Variants in ASB14 observed in about 807,000 individuals in gnomAD.
ASB14 encodes the protein ankyrin repeat and SOCS box containing 14, also known as ankyrin repeat and SOCS box protein 14.
ASB14 carries 63 observed loss-of-function variants against 55.6 expected under a neutral mutation model. The ratio of observed to expected loss-of-function variants is 1.13; its 90% CI spans 0.92 to 1.40. ASB14 has a LOEUF of 1.40. Ranked by LOEUF, ASB14 falls within the 40% of genes most tolerant of loss-of-function variation. The probability of loss-of-function intolerance (pLI) is 0.00; values close to 1 mark genes in which losing one functional copy is unlikely to be tolerated. For missense variants in ASB14, 724 were observed against 710.4 expected (o/e 1.02, Z -0.22); for synonymous variants, 256 against 259.9 (o/e 0.98, Z 0.15).
chr3:57,269,309 AAG>A lies in ASB14; in HGVS notation c.*330_*331del. On this transcript the variant is annotated 3_prime_UTR_variant, in exon 11 of 11. Transcript: ENST00000487349. ...TTTATTTGGTTGTTGGTCATAAAAA[AAG>A]AAAGATAAAATATTAGATTTTAGTT... 1 of 432,214 alleles carries A rather than the reference AAG, an allele frequency of 2.3e-6. No homozygotes were observed. The highest frequency in any genetic ancestry group is 4.1e-6 in the Non-Finnish European group (1 of 243,918). The allele number at this position is 432,214 out of a possible 1,614,324, so 26.8% of individuals were successfully genotyped here.
At chr3:57,279,629 C>T (rs560109092) in intron 7 of ASB14, among the ~76,000 whole-genome samples, 4 of 151,176 alleles carry the variant, frequency 2.6e-5, no homozygotes, top group African/African-American at 4.8e-5. Flanking sequence ...ACCCGGGAGG[C>T]GGAGGTTGCG....
intron 10 of ASB14, chr3:57,273,560 A>T (rs943739107): frequency 2.6e-5 from 4 of 152,642 alleles, no homozygotes; most frequent in Non-Finnish European, 4.4e-5. Context: ...ATTATAAATT[A>T]TACAGCTAGC....
At chr3:57,278,013 A>G in intron 8 of ASB14, 93 bp from the exon 9 acceptor site, 1 of 1,186,450 alleles carries the variant, frequency 8.4e-7, no homozygotes, top group South Asian at 1.6e-5. Flanking sequence ...TGGTGTGATG[A>G]AAGCCAAGAG....
At chr3:57,285,989 A>AG (rs1235001100) in intron 5 of ASB14, among the ~76,000 whole-genome samples, 1 of 152,212 alleles carries the variant, frequency 6.6e-6, no homozygotes, top group Non-Finnish European at 1.5e-5. Flanking sequence ...GGAACAAGAA[A>AG]GTTTTTGAGA....
Position 57,289,098 on chromosome 3 carries a change from A to T in ASB14, c.148T>A (p.Tyr50Asn). The T allele has an allele frequency of 1.3e-6, 2 of 1,530,446 alleles. No homozygotes were observed. Among genetic ancestry groups the T allele is most frequent in the Non-Finnish European group, 1.8e-6 (2 of 1,140,748 alleles). The allele number at this position is 1,530,446 out of a possible 1,614,324, so 94.8% of individuals were successfully genotyped here. Residue 50 changes from tyrosine to asparagine, a missense_variant, in exon 3 of 11, where the codon TAT becomes AAT. Transcript: ENST00000487349. ...ESLHSFLSAD[Y>N]KKIVETIEKG... is the part of the protein sequence containing the mutation. ...TCTATTGTTTCAACTATCTTCTTATAGTCAGCGCTCAAAAAGGAATGCAAA... is the reference window on the plus strand; with the variant it reads ...TCTATTGTTTCAACTATCTTCTTATTGTCAGCGCTCAAAAAGGAATGCAAA...
In ASB14 at chr3:57,278,466, C is replaced by T. The variant is rs1240483258; in HGVS notation, c.1342G>A (p.Glu448Lys). ...CCATGTGGGCAATCAAAACATCGCT[C>T]TGTGTCATACCCATAGTTCAGCAGC... is the stretch of plus-strand genomic sequence containing the variant. ...RMLLNYGYDT[E>K]RCFDCPHGDK... The change falls in exon 8 of 11, where the codon GAG (glutamate) becomes AAG (lysine). Residue 448 changes from glutamate to lysine, a missense_variant. Physicochemically the swap from Glu to Lys is moderately conservative, Grantham distance 56. Coordinates refer to ENST00000487349, the MANE Select transcript of ASB14 (RefSeq NM_001142733.3). 6.2e-7 allele frequency: 1 copy of T among 1,614,202 alleles called. No individual in the cohort carries two copies. Among genetic ancestry groups the T allele is most frequent in the Admixed American group, 1.7e-5 (1 of 60,028 alleles).
Position 57,276,664 on chromosome 3 carries a change from A to T in ASB14, c.1650T>A (p.His550Gln), listed in dbSNP as rs781456578. 6.2e-7 allele frequency: 1 copy of T among 1,614,114 alleles called. No homozygotes were observed. Among genetic ancestry groups the T allele is most frequent in the Non-Finnish European group, 8.5e-7 (1 of 1,179,960 alleles). ...LKIRKCMGRL[H>Q]LRCPVFMSFL... ...ATGACATGAAGACAGGGCAGCGCAA[A>T]TGTAACCGTCCCATGCATTTCCGGA... The change falls in exon 10 of 11, where the codon CAT becomes CAA. Residue 550 changes from histidine to glutamine, a missense_variant. His to Gln is a conservative substitution (Grantham distance 24). Coordinates refer to ENST00000487349, the MANE Select transcript of ASB14 (RefSeq NM_001142733.3).
rs748794807 is a variant in ASB14 at position 57,286,285 on chromosome 3, TC to T, written c.469+1615del. On this transcript the variant is annotated intron_variant, in intron 5 of 10. Transcript: ENST00000487349. ...CCCTAGTGACTTGTCTTTTTTTTTT[TC>T]AGCTTTTTATGATTTTTTATTATAA... Among the ~76,000 whole-genome samples, 3 of 152,122 alleles carry T rather than the reference TC, an allele frequency of 2.0e-5. 1 individual carries two copies. The highest frequency in any genetic ancestry group is 2.0e-4 in the Admixed American group (3 of 15,286).
chr3:57,276,987 C>T (rs1234671211), intron 9 of ASB14, among the ~76,000 whole-genome samples: 1 of 152,110 alleles, frequency 6.6e-6, no homozygotes. Flanking sequence ...TGCATGTGGC[C>T]AGGCGGGGTG....
chr3:57,275,809 C>T (rs1369673866), intron 10 of ASB14, among the ~76,000 whole-genome samples: 4 of 152,126 alleles, frequency 2.6e-5, no homozygotes, highest in Non-Finnish European at 5.9e-5. Context: ...GCCTGTACAG[C>T]ATGTTACTGT....
At position 57,269,347 on chromosome 3, in the gene ASB14, C is replaced by A. The variant is rs1045834422; in HGVS notation, c.*294G>T. 1.0e-5 allele frequency: 5 copies of A among 492,404 alleles called. No homozygotes were observed. Among genetic ancestry groups the A allele is most frequent in the African/African-American group, 5.9e-5 (3 of 50,794 alleles). The allele number at this position is 492,404 out of a possible 1,614,324, so 30.5% of individuals were successfully genotyped here. On this transcript the variant is annotated 3_prime_UTR_variant, in exon 11 of 11. Transcript: ENST00000487349. The stretch of plus-strand genomic sequence containing the variant: ...TATTAGATTTTAGTTTGAATGCTGG[C>A]TTTTATAGGATGGTGCCAAAATTCA...
chr3:57,291,418 T>A (rs559399741), intron 2 of ASB14, among the ~76,000 whole-genome samples: 1 of 152,230 alleles, frequency 6.6e-6, no homozygotes, highest in South Asian at 2.1e-4. Context: ...CCACTGGTCC[T>A]TTTTCAGTGT....
chr3:57,289,503 A>G (rs931476718), intron 2 of ASB14, among the ~76,000 whole-genome samples: 1 of 152,208 alleles, frequency 6.6e-6, no homozygotes, highest in African/African-American at 2.4e-5. Context: ...CAACGATTCT[A>G]GCAGAAACTA....
chr3:57,278,942 C>A, intron 7 of ASB14, 22 bp from the exon 8 acceptor site: 1 of 1,600,260 alleles, frequency 6.2e-7, no homozygotes, highest in South Asian at 1.1e-5. Flanking sequence ...TTTCAAAATG[C>A]ATTTCAACAT....
intron 1 of ASB14, 53 bp from the exon 2 acceptor site, chr3:57,292,157 C>A (rs1188025937): frequency 2.7e-6 from 3 of 1,123,020 alleles, no homozygotes; most frequent in Admixed American, 3.7e-5. Context: ...GTAGGATTAA[C>A]AATGAAAAAT....
At chr3:57,278,964 T>C (rs1434069265) in intron 7 of ASB14, 44 bp from the exon 8 acceptor site, 2 of 1,571,162 alleles carry the variant, frequency 1.3e-6, no homozygotes, top group Non-Finnish European at 1.7e-6. Flanking sequence ...GTTTTTAAGA[T>C]GTAGCACTAA....
intron 7 of ASB14, among the ~76,000 whole-genome samples, chr3:57,279,889 A>G (rs1480549612): frequency 1.3e-5 from 2 of 152,006 alleles, no homozygotes; most frequent in Admixed American, 6.6e-5. Context: ...AATCATCCAC[A>G]TGTAGGACTG....
chr3:57,269,656 A>G lies in ASB14; in HGVS notation c.*23-38T>C, dbSNP rs11544593. The G allele has an allele frequency of 0.16, 265,611 of 1,613,446 alleles. 24,677 individuals carry two copies. Among genetic ancestry groups the G allele is most frequent in the Non-Finnish European group, 0.19 (224,094 of 1,179,490 alleles). On this transcript the variant is annotated intron_variant, in intron 10 of 10. Coordinates refer to ENST00000487349, the MANE Select transcript of ASB14 (RefSeq NM_001142733.3). Reference sequence around the variant, plus strand: ...CAGTCAGAAGAGAGTGATTTGGGAGAAGGAGGAAAGAAGAGAGAATCAGAA... The same window carrying G: ...CAGTCAGAAGAGAGTGATTTGGGAGGAGGAGGAAAGAAGAGAGAATCAGAA...
intron 8 of ASB14, 129 bp downstream of exon 8, chr3:57,278,248 C>G (rs1206217864): frequency 1.5e-6 from 1 of 662,488 alleles, no homozygotes; most frequent in Non-Finnish European, 2.5e-6. Context: ...ATTATTTTAT[C>G]ATATAATTAT....
Sources: gnomAD v4.1 joint callset for allele counts (sites outside exome capture counted in the v4.1 genomes callset) on GRCh38, gnomAD v4.1.1 for gene constraint, MANE v1.5 for transcripts, NCBI Gene and HGNC (gene_info 2026-07-23, HGNC 2026-07-21) for gene names.